Variants in AIG1 observed in about 807,000 individuals in gnomAD.
AIG1 encodes androgen-induced gene 1 protein.
AIG1 carries 23 observed loss-of-function variants against 31.4 expected under a neutral mutation model. That is an observed-to-expected ratio of 0.73 (90% CI 0.53 to 1.04). The LOEUF is 1.04. Among genes scored for constraint, AIG1 ranks in the 50% least tolerant of loss-of-function variants. AIG1 has a pLI of 0.00. For missense variants in AIG1, 274 were observed against 295.0 expected (o/e 0.93, Z 0.52); for synonymous variants, 100 against 110.5 (o/e 0.90, Z 0.60).
intron 1 of AIG1, among the ~76,000 whole-genome samples, chr6:143,081,644 G>A (rs1314660288): frequency 6.6e-6 from 1 of 152,052 alleles, no homozygotes; most frequent in Non-Finnish European, 1.5e-5. Context: ...GCCTGGTCCA[G>A]TAAATAATGA....
At chr6:143,295,915 A>G (rs1289430321) in intron 4 of AIG1, among the ~76,000 whole-genome samples, 2 of 152,186 alleles carry the variant, frequency 1.3e-5, no homozygotes, top group East Asian at 3.8e-4. Context: ...CAGTATTCTA[A>G]GAGTTAATCC....
intron 2 of AIG1, among the ~76,000 whole-genome samples, chr6:143,138,505 T>G (rs760723198): frequency 6.6e-6 from 1 of 152,164 alleles, no homozygotes. Context: ...ATGTATACAT[T>G]TTTTCTTTTT....
At chr6:143,265,094 C>T (rs983577561) in intron 3 of AIG1, among the ~76,000 whole-genome samples, 14 of 152,146 alleles carry the variant, frequency 9.2e-5, no homozygotes, top group African/African-American at 3.1e-4. Context: ...TTCCCAAAAT[C>T]TCATTACTTG....
chr6:143,334,968 G>A lies in AIG1; in HGVS notation c.679+1523G>A. On this transcript the variant is annotated intron_variant, in intron 5 of 5. Coordinates refer to ENST00000357847, the MANE Select transcript of AIG1 (RefSeq NM_016108.4). The surrounding 1 kb of genome is among the most constrained non-coding windows in gnomAD (Gnocchi z 5.1). ...AGTTAAAAATGAATAATGAAATTAA[G>A]GTTTTTTGAATGATTTGTTTAATTT... 3 of 773,940 alleles carry A rather than the reference G, an allele frequency of 3.9e-6. No individual in the cohort carries two copies. The highest frequency in any genetic ancestry group is 7.2e-5 in the South Asian group (2 of 27,958). The allele number at this position is 773,940 out of a possible 1,614,324, so 47.9% of individuals were successfully genotyped here.
At chr6:143,260,046 C>T (rs1196719636) in intron 3 of AIG1, among the ~76,000 whole-genome samples, 18 of 107,062 alleles carry the variant, frequency 1.7e-4, no homozygotes, top group South Asian at 3.2e-4. Flanking sequence ...TTTTTTGAGA[C>T]GGAGTCTCAC....
intron 2 of AIG1, among the ~76,000 whole-genome samples, chr6:143,149,633 A>T (rs1351453437): frequency 6.6e-6 from 1 of 152,122 alleles, no homozygotes; most frequent in African/African-American, 2.4e-5. Flanking sequence ...GGCTTAACAA[A>T]AGACTATATT....
At chr6:143,250,981 C>T (rs1023736709) in intron 3 of AIG1, among the ~76,000 whole-genome samples, 10 of 152,146 alleles carry the variant, frequency 6.6e-5, no homozygotes, top group African/African-American at 1.7e-4. Context: ...CTGGAGACTT[C>T]GGAGGGACTG....
chr6:143,086,331 T>C (rs1205788963), intron 1 of AIG1, among the ~76,000 whole-genome samples: 2 of 152,198 alleles, frequency 1.3e-5, no homozygotes, highest in Non-Finnish European at 1.5e-5. Flanking sequence ...GGGCACACTT[T>C]TTTTCTTTAC....
chr6:143,202,851 A>G (rs555634805), intron 3 of AIG1, among the ~76,000 whole-genome samples: 1 of 152,298 alleles, frequency 6.6e-6, no homozygotes, highest in African/African-American at 2.4e-5. Flanking sequence ...GTGTCCCAGC[A>G]ACATGGAAAA....
At chr6:143,317,278 C>G (rs1215077801) in intron 4 of AIG1, among the ~76,000 whole-genome samples, 1 of 151,928 alleles carries the variant, frequency 6.6e-6, no homozygotes, top group Non-Finnish European at 1.5e-5. Flanking sequence ...CTAACCGAAT[C>G]CAACACCATA....
At chr6:143,197,028 A>G (rs1184294804) in intron 3 of AIG1, among the ~76,000 whole-genome samples, 1 of 152,128 alleles carries the variant, frequency 6.6e-6, no homozygotes, top group African/African-American at 2.4e-5. Context: ...GATCCTGACA[A>G]TGGCTGTGAT....
intron 3 of AIG1, among the ~76,000 whole-genome samples, chr6:143,195,624 T>C (rs1790160667): frequency 6.6e-6 from 1 of 151,978 alleles, no homozygotes; most frequent in African/African-American, 2.4e-5. Flanking sequence ...CTGGCCACCC[T>C]GAGGGAGCAC....
chr6:143,185,418 A>G (rs1192712065), intron 3 of AIG1, among the ~76,000 whole-genome samples: 1 of 152,044 alleles, frequency 6.6e-6, no homozygotes, highest in Non-Finnish European at 1.5e-5. Context: ...CACTCCAGCC[A>G]CACTGTACAG....
At chr6:143,152,608 T>C (rs910402888) in intron 2 of AIG1, among the ~76,000 whole-genome samples, 1 of 152,160 alleles carries the variant, frequency 6.6e-6, no homozygotes, top group Non-Finnish European at 1.5e-5. Context: ...TTGTTTGGAG[T>C]GGAGTTCAAT....
chr6:143,228,909 G>A (rs1231694544), intron 3 of AIG1, among the ~76,000 whole-genome samples: 1 of 152,212 alleles, frequency 6.6e-6, no homozygotes. Context: ...AAAAGGCAAA[G>A]GTTGCTTTTG....
At chr6:143,060,615 G>A, upstream of AIG1, 1 of 452,402 alleles carries the variant, frequency 2.2e-6, no homozygotes, top group South Asian at 1.6e-5. Context: ...CTGGCCGGGT[G>A]TCCCGGGACC....
intron 4 of AIG1, among the ~76,000 whole-genome samples, chr6:143,287,276 C>G (rs1427335615): frequency 1.3e-5 from 2 of 152,102 alleles, no homozygotes; most frequent in African/African-American, 2.4e-5. Flanking sequence ...GGTACCATTC[C>G]TTTGAGCCAG....
rs922731557 is a variant in AIG1, at chr6:143,103,855, GCATT to G, written c.142-32979_142-32976del. Among the ~76,000 whole-genome samples the G allele has an allele frequency of 2.4e-4, 37 of 152,060 alleles. 1 individual carries two copies. The highest frequency in any genetic ancestry group is 7.3e-4 in the African/African-American group (30 of 41,356). On this transcript the variant is annotated intron_variant, in intron 1 of 5. Coordinates refer to ENST00000357847, the MANE Select transcript of AIG1 (RefSeq NM_016108.4). ...AACACAAAATTGTTCACTTAAAGGA[GCATT>G]ACCTGGGCCTTTGAAGAGGTTTGGT... is the stretch of plus-strand genomic sequence containing the variant.
intron 1 of AIG1, among the ~76,000 whole-genome samples, chr6:143,129,995 A>T (rs1355615754): frequency 1.4e-5 from 2 of 146,052 alleles, no homozygotes; most frequent in African/African-American, 5.1e-5. Context: ...CAGTGGCATG[A>T]TCCTGGCTCA....
Sources: gnomAD v4.1 joint callset for allele counts (sites outside exome capture counted in the v4.1 genomes callset) on GRCh38, gnomAD v4.1.1 for gene constraint, Gnocchi (gnomAD v3.1) non-coding constraint, MANE v1.5 for transcripts, NCBI Gene and HGNC (gene_info 2026-07-23, HGNC 2026-07-21) for gene names.